The following STK32B variants were observed in gnomAD, a reference collection of about 807,000 sequenced individuals.
The protein encoded by STK32B is serine/threonine-protein kinase 32B.
STK32B carries 43 observed loss-of-function variants against 52.6 expected under a neutral mutation model. The ratio of observed to expected loss-of-function variants is 0.82; its 90% CI spans 0.64 to 1.05. The LOEUF (loss-of-function observed/expected upper bound fraction) is 1.05. Ranked by LOEUF, STK32B falls within the 50% of genes least tolerant of loss-of-function variation. The probability of loss-of-function intolerance (pLI) is 0.00; values close to 1 mark genes in which losing one functional copy is unlikely to be tolerated. For synonymous variants in STK32B, 238 were observed against 204.3 expected (o/e 1.17, Z -1.41); for missense variants, 621 against 534.6 (o/e 1.16, Z -1.59).
intron 3 of STK32B, among the ~76,000 whole-genome samples, chr4:5,185,292 T>C (rs1284687118): frequency 6.6e-6 from 1 of 152,212 alleles, no homozygotes. Context: ...TGAATGAACA[T>C]TCTCAGGATG....
intron 3 of STK32B, among the ~76,000 whole-genome samples, chr4:5,249,256 G>T (rs1266774931): frequency 6.6e-6 from 1 of 152,094 alleles, no homozygotes; most frequent in Non-Finnish European, 1.5e-5. Context: ...GCCATCAGTT[G>T]CTATTACTCA....
chr4:5,371,110 G>T (rs925375466), intron 4 of STK32B, among the ~76,000 whole-genome samples: 7 of 151,674 alleles, frequency 4.6e-5, no homozygotes, highest in Admixed American at 2.0e-4. Context: ...CAGGACTATT[G>T]CAGTGAGTGT....
intron 4 of STK32B, among the ~76,000 whole-genome samples, chr4:5,382,311 G>C (rs1026341883): frequency 2.6e-5 from 4 of 152,142 alleles, no homozygotes; most frequent in Non-Finnish European, 5.9e-5. Context: ...AGACTCCTTA[G>C]CTATAAAATA....
At chr4:5,462,180 T>A (rs1324747300) in intron 9 of STK32B, among the ~76,000 whole-genome samples, 2 of 151,874 alleles carry the variant, frequency 1.3e-5, no homozygotes, top group Non-Finnish European at 2.9e-5. Flanking sequence ...TACGTCTGTA[T>A]GTCTGTGTGC....
chr4:5,485,439 C>G (rs1237428224), intron 11 of STK32B, among the ~76,000 whole-genome samples: 3 of 152,156 alleles, frequency 2.0e-5, no homozygotes, highest in Admixed American at 2.0e-4. Context: ...TCAGCTCTAT[C>G]AGGTCCTTTA....
chr4:5,148,227 G>A (rs1164088958), intron 2 of STK32B, among the ~76,000 whole-genome samples: 1 of 151,706 alleles, frequency 6.6e-6, no homozygotes. Context: ...AATTTTTGTA[G>A]TGTCTGTGGT....
intron 4 of STK32B, among the ~76,000 whole-genome samples, chr4:5,379,097 C>T (rs761822651): frequency 6.6e-6 from 1 of 152,150 alleles, no homozygotes; most frequent in Non-Finnish European, 1.5e-5. Context: ...AGGCTGCCCC[C>T]TCCCTACCTG....
In STK32B at chr4:5,500,582, C is replaced by T. The variant is rs933018920; in HGVS notation, c.*1499C>T. 2.0e-5 allele frequency: 3 copies of T among 152,132 alleles called. No individual in the cohort carries two copies. Among genetic ancestry groups the T allele is most frequent in the African/African-American group, 7.2e-5 (3 of 41,424 alleles). 9.4% of individuals were successfully genotyped at this position (152,132 alleles called of 1,614,324 possible). A position where few individuals can be genotyped will look rare whatever the true frequency, so the allele number is the denominator to read the frequency against. ...CCATTTTTCACTTTTTACATGATTA[C>T]TCAATCCTTGGGGCTGTCCATGTCA... On this transcript the variant is annotated 3_prime_UTR_variant, in exon 12 of 12. Coordinates refer to ENST00000282908, the MANE Select transcript of STK32B (RefSeq NM_018401.3).
At chr4:5,022,780 G>A in the STK32B span, among the ~76,000 whole-genome samples, 151,061 of 152,240 alleles carry the variant, frequency 0.99, 74,962 homozygotes, top group East Asian at 1. Context: ...TCGAGAGTCT[G>A]TTGTGTGCCA....
intron 2 of STK32B, among the ~76,000 whole-genome samples, chr4:5,147,063 T>A (rs1401961791): frequency 6.6e-6 from 1 of 152,184 alleles, no homozygotes; most frequent in Non-Finnish European, 1.5e-5. Flanking sequence ...TTTATCTCTA[T>A]TTTTATTAGG....
At chr4:5,254,387 T>G (rs1726155618) in intron 3 of STK32B, among the ~76,000 whole-genome samples, 1 of 152,168 alleles carries the variant, frequency 6.6e-6, no homozygotes, top group African/African-American at 2.4e-5. Context: ...TTTTATTTCA[T>G]TGATTCCACC....
chr4:5,228,963 G>A (rs929998940), intron 3 of STK32B, among the ~76,000 whole-genome samples: 12 of 151,868 alleles, frequency 7.9e-5, no homozygotes, highest in Admixed American at 2.0e-4. Flanking sequence ...GCGAAACTCC[G>A]TCTCAAAAGA....
chr4:5,168,258 G>A lies in STK32B; in HGVS notation c.109-41G>A, dbSNP rs375649706. The A allele has an allele frequency of 9.5e-6, 15 of 1,581,214 alleles. 1 individual carries two copies. The highest frequency in any genetic ancestry group is 8.0e-5 in the South Asian group (7 of 87,696). ...ACATTTCTCCTTTGTCTCCCTTTTC[G>A]ATTGTTGGCCTGACTGTTCTCTCCT... is the stretch of plus-strand genomic sequence containing the variant. On this transcript the variant is annotated intron_variant, in intron 2 of 11. Transcript: ENST00000282908.
intron 3 of STK32B, among the ~76,000 whole-genome samples, chr4:5,261,871 G>C (rs539064895): frequency 3.0e-4 from 45 of 152,290 alleles, no homozygotes; most frequent in African/African-American, 1.0e-3. Context: ...ATTGCTGACA[G>C]CTAATGATGA....
chr4:5,221,806 A>T (rs1262341051), intron 3 of STK32B, among the ~76,000 whole-genome samples: 1 of 150,162 alleles, frequency 6.7e-6, no homozygotes, highest in Non-Finnish European at 1.5e-5. Flanking sequence ...CAGTGAGCCA[A>T]GATGATGCCA....
intron 1 of STK32B, among the ~76,000 whole-genome samples, chr4:5,078,768 C>T (rs567154612): frequency 1.6e-4 from 25 of 152,288 alleles, no homozygotes; most frequent in Non-Finnish European, 3.4e-4. Context: ...CCCCTGCCCA[C>T]CTTTCCCAGA....
chr4:5,327,872 G>A (rs1324328366), intron 3 of STK32B, among the ~76,000 whole-genome samples: 2 of 152,178 alleles, frequency 1.3e-5, no homozygotes, highest in African/African-American at 4.8e-5. Context: ...CCAATATAAA[G>A]CTATTTGCTA....
At position 5,398,110 on chromosome 4, in the gene STK32B, C is replaced by T. The variant is rs539890279; in HGVS notation, c.435-97C>T. On this transcript the variant is annotated intron_variant, in intron 4 of 11. Transcript: ENST00000282908. The surrounding 1 kb of genome is among the most constrained non-coding windows in gnomAD (Gnocchi z 4.9). ...TTCAGGTCAGGGAGAGGTGAGCAGC[C>T]TGGGTGTTCCAGCATTTGTCCTGAT... is the stretch of plus-strand genomic sequence containing the variant. 2 of 1,394,568 alleles carry T rather than the reference C, an allele frequency of 1.4e-6. No homozygotes were observed. The highest frequency in any genetic ancestry group is 2.3e-5 in the East Asian group (1 of 43,442). 86.4% of individuals were successfully genotyped at this position (1,394,568 alleles called of 1,614,324 possible). A position where few individuals can be genotyped will look rare whatever the true frequency, so the allele number is the denominator to read the frequency against.
chr4:5,253,413 C>A (rs889866352), intron 3 of STK32B, among the ~76,000 whole-genome samples: 3 of 152,142 alleles, frequency 2.0e-5, no homozygotes, highest in Non-Finnish European at 4.4e-5. Context: ...CTGACTCTGT[C>A]ACCCAGACTG....
Sources: allele counts gnomAD v4.1 joint callset (sites outside exome capture counted in the v4.1 genomes callset), GRCh38; gene constraint gnomAD v4.1.1; non-coding constraint Gnocchi (gnomAD v3.1); transcripts MANE v1.5; gene names NCBI Gene and HGNC (gene_info 2026-07-23, HGNC 2026-07-21).